NSFL1C: variants seen among roughly 807,000 people sequenced by gnomAD.
NSFL1C encodes the protein NSFL1 cofactor p47.
Under a neutral mutation model 43.1 loss-of-function variants are expected in NSFL1C, and 14 were observed. The observed-to-expected ratio is 0.32, with a 90% CI of 0.21 to 0.51. The LOEUF (loss-of-function observed/expected upper bound fraction) is 0.51, where lower values mean the gene tolerates loss of function less well. NSFL1C is among the 20% of genes least tolerant of loss of function. The pLI is 0.98. For missense variants in NSFL1C, 406 were observed against 472.5 expected (o/e 0.86, Z 1.30); for synonymous variants, 171 against 183.5 (o/e 0.93, Z 0.55).
intron 7 of NSFL1C, 75 bp downstream of exon 7, chr20:1,452,418 G>A: frequency 1.3e-6 from 2 of 1,547,844 alleles, no homozygotes; most frequent in East Asian, 4.5e-5. Flanking sequence ...TAACCAAAGT[G>A]AGTGATACAC....
At chr20:1,455,771 GCA>G (rs2090286161) in intron 3 of NSFL1C, 2 of 778,638 alleles carry the variant, frequency 2.6e-6, no homozygotes, top group African/African-American at 1.7e-5. Flanking sequence ...AAAAGAACAA[GCA>G]CAGAGTAATG....
At chr20:1,466,660 C>G in intron 1 of NSFL1C, 60 bp downstream of exon 1, 1 of 1,477,322 alleles carries the variant, frequency 6.8e-7, no homozygotes, top group Non-Finnish European at 9.1e-7. Flanking sequence ...GCTTAAGGCA[C>G]CAGGCGCCCG....
Position 1,453,050 on chromosome 20 carries a change from G to A in NSFL1C, c.628C>T (p.Leu210=), listed in dbSNP as rs1215614463. 1 of 1,610,742 alleles carries A rather than the reference G, an allele frequency of 6.2e-7. No homozygotes were observed. Among genetic ancestry groups the A allele is most frequent in the Non-Finnish European group, 8.5e-7 (1 of 1,176,916 alleles). The part of the protein sequence containing the change: ...SYQDPSNAQF[L]ESIRRGEVPA... ...ACTCACCCTCTGCGGATAGACTCCA[G>A]AAACTGGGCATTGGATGGGTCTTGG... The change falls in exon 6 of 9, where the codon CTG becomes TTG. Residue 210 remains leucine, a synonymous_variant. Coordinates refer to ENST00000216879, the MANE Select transcript of NSFL1C (RefSeq NM_016143.5).
Position 1,445,686 on chromosome 20 carries a change from C to T in NSFL1C, c.930G>A (p.Gln310=), listed in dbSNP as rs1291760609. 6.2e-7 allele frequency: 1 copy of T among 1,612,894 alleles called. No homozygotes were observed. The change falls in exon 8 of 9, where the codon CAG becomes CAA. Residue 310 remains glutamine (Q), a synonymous_variant. Transcript: ENST00000216879. ...GGTACCTGTGGCTGTGGTTAAATTTCTGCACCAGCCTCCCGCCGTCTGCAA... is the reference window on the plus strand; with the variant it reads ...GGTACCTGTGGCTGTGGTTAAATTTTTGCACCAGCCTCCCGCCGTCTGCAA... ...IRLADGGRLV[Q]KFNHSHRISD...
intron 2 of NSFL1C, chr20:1,464,054 T>C: frequency 2.6e-6 from 1 of 387,130 alleles, no homozygotes. Context: ...AACTTTAGAG[T>C]TGCAGTGGTC....
In NSFL1C at chr20:1,453,158, A is replaced by G. The variant is rs771847147; in HGVS notation, c.538-18T>C. 2.1e-6 allele frequency: 3 copies of G among 1,395,480 alleles called. No homozygotes were observed. The highest frequency in any genetic ancestry group is 2.3e-5 in the South Asian group (2 of 86,650). The allele number at this position is 1,395,480 out of a possible 1,614,324, so 86.4% of individuals were successfully genotyped here. A position where few individuals can be genotyped will look rare whatever the true frequency, so the allele number is the denominator to read the frequency against. ...ACATGAACCTGTGATGACAGGGAGT[A>G]AACAGTTACCAGGGATCTGGCAAGC... On this transcript the variant is annotated intron_variant, in intron 5 of 8. Transcript: ENST00000216879.
intron 3 of NSFL1C, chr20:1,457,098 A>G (rs559347292): frequency 6.6e-6 from 1 of 152,270 alleles, no homozygotes; most frequent in East Asian, 1.9e-4. Flanking sequence ...TTTTATTATA[A>G]TGTTCTAAAG....
In NSFL1C at chr20:1,455,063, G is replaced by T. The variant is rs762930021; in HGVS notation, c.348C>A (p.Asn116Lys). Residue 116 changes from asparagine to lysine, a missense_variant, in exon 4 of 9, where the codon AAC (asparagine) becomes AAA (lysine). Physicochemically the swap from Asn to Lys is moderately conservative, Grantham distance 94. Coordinates refer to ENST00000216879, the MANE Select transcript of NSFL1C (RefSeq NM_016143.5). ...CTTTAAAGAGATCATCCACCAGCTC[G>T]TTGGGACTTTTCTTCCTGGGAGGGC... ...IVGPPRKKSP[N>K]ELVDDLFKGA... The T allele has an allele frequency of 2.5e-6, 4 of 1,614,088 alleles. No homozygotes were observed. The highest frequency in any genetic ancestry group is 3.4e-6 in the Non-Finnish European group (4 of 1,180,002).
At chr20:1,447,798 T>G (rs550437220) in intron 7 of NSFL1C, among the ~76,000 whole-genome samples, 4 of 130,080 alleles carry the variant, frequency 3.1e-5, no homozygotes, top group Admixed American at 8.4e-5. Context: ...AGGAGTGACA[T>G]TTACACCGAC....
chr20:1,462,444 T>C (rs1464866618), intron 2 of NSFL1C, among the ~76,000 whole-genome samples: 1 of 152,210 alleles, frequency 6.6e-6, no homozygotes, highest in Non-Finnish European at 1.5e-5. Flanking sequence ...GCAATGCCTC[T>C]TGGACCAAAT....
At chr20:1,455,584 T>A in intron 3 of NSFL1C, 1 of 758,708 alleles carries the variant, frequency 1.3e-6, no homozygotes, top group Non-Finnish European at 2.5e-6. Flanking sequence ...GGCACTGGCA[T>A]GGTTAGTACA....
chr20:1,464,904 T>G (rs755052653), intron 1 of NSFL1C, among the ~76,000 whole-genome samples: 1 of 152,210 alleles, frequency 6.6e-6, no homozygotes, highest in Non-Finnish European at 1.5e-5. Flanking sequence ...GTTCCATCCC[T>G]GCTAGTGTGC....
At chr20:1,458,965 C>T (rs1359643986) in intron 2 of NSFL1C, among the ~76,000 whole-genome samples, 2 of 152,106 alleles carry the variant, frequency 1.3e-5, no homozygotes, top group South Asian at 2.1e-4. Flanking sequence ...TAAAAATGAG[C>T]GTGAGAAGGG....
chr20:1,449,957 G>A (rs2090151110), intron 7 of NSFL1C, among the ~76,000 whole-genome samples: 2 of 152,036 alleles, frequency 1.3e-5, no homozygotes, highest in South Asian at 2.1e-4. Context: ...ACAAACTAAC[G>A]TAAAACCTAA....
At chr20:1,444,055 G>C in intron 8 of NSFL1C, 144 bp from the exon 9 acceptor site, 1 of 828,218 alleles carries the variant, frequency 1.2e-6, no homozygotes, top group Non-Finnish European at 1.8e-6. Context: ...GTGGGACCAA[G>C]TCCCTTCCTT....
At chr20:1,446,384 T>A (rs1462286286) in intron 7 of NSFL1C, among the ~76,000 whole-genome samples, 1 of 152,140 alleles carries the variant, frequency 6.6e-6, no homozygotes, top group Non-Finnish European at 1.5e-5. Flanking sequence ...TCTGTACTCA[T>A]ACATCCACTA....
intron 4 of NSFL1C, 90 bp from the exon 5 acceptor site, chr20:1,454,395 G>T: frequency 1.1e-6 from 1 of 884,226 alleles, no homozygotes. Flanking sequence ...TTAGGTAAGA[G>T]GAAGAAAGAG....
At chr20:1,464,043 A>C (rs1185352260) in intron 2 of NSFL1C, 1 of 368,142 alleles carries the variant, frequency 2.7e-6, no homozygotes, top group African/African-American at 2.1e-5. Context: ...TTTTACTTAA[A>C]AACTTTAGAG....
chr20:1,458,211 C>T lies in NSFL1C; in HGVS notation c.267G>A (p.Glu89=), dbSNP rs771889081. 3.1e-6 allele frequency: 5 copies of T among 1,613,550 alleles called. No homozygotes were observed. In the African/African-American group the frequency reaches 5.3e-5, roughly 17 times the overall value. ...TCTAGAAGACTCACCTCTGGCCTTC[C>T]TCTTCCTCCTCATCTTCATCTTGGT... ...IHDQDEDEEE[E]EGQRFYAGGS... The change falls in exon 3 of 9, where the codon GAG becomes GAA. Residue 89 remains glutamate, a synonymous_variant. Coordinates refer to ENST00000216879, the MANE Select transcript of NSFL1C (RefSeq NM_016143.5).
Sources: gnomAD v4.1 joint callset for allele counts (sites outside exome capture counted in the v4.1 genomes callset) on GRCh38, gnomAD v4.1.1 for gene constraint, MANE v1.5 for transcripts, NCBI Gene and HGNC (gene_info 2026-07-23, HGNC 2026-07-21) for gene names.